MIB1: variants seen among roughly 807,000 people sequenced by gnomAD.
MIB1 encodes E3 ubiquitin-protein ligase MIB1.
MIB1 carries 278 observed loss-of-function variants against 124.5 expected under a neutral mutation model. The observed-to-expected ratio is 2.23, with a 90% CI of 2.02 to 2.47. The LOEUF is 2.47. Among genes scored for constraint, MIB1 ranks in the 30% most tolerant of loss-of-function variants. The pLI is 0.00. For missense variants in MIB1, 957 were observed against 1,254.4 expected (o/e 0.76, Z 3.58); for synonymous variants, 446 against 429.4 (o/e 1.04, Z -0.48).
chr18:21,838,057 T>C (rs2042049663), intron 12 of MIB1, among the ~76,000 whole-genome samples: 2 of 152,170 alleles, frequency 1.3e-5, no homozygotes, highest in South Asian at 4.1e-4. Flanking sequence ...GCACTTCCAT[T>C]CTGTTTTGAT....
At chr18:21,762,977 A>G (rs926849625) in intron 1 of MIB1, among the ~76,000 whole-genome samples, 1 of 152,088 alleles carries the variant, frequency 6.6e-6, no homozygotes, top group Non-Finnish European at 1.5e-5. Context: ...CTAAATCTAT[A>G]TTAAGATGAA....
chr18:21,724,642 T>C (rs1317657658), intron 1 of MIB1, among the ~76,000 whole-genome samples: 1 of 140,774 alleles, frequency 7.1e-6, no homozygotes, highest in Non-Finnish European at 1.5e-5. Flanking sequence ...GGGGCGGAGG[T>C]TGCAGTGAGC....
At chr18:21,822,430 T>A (rs2041887171) in intron 12 of MIB1, among the ~76,000 whole-genome samples, 1 of 152,228 alleles carries the variant, frequency 6.6e-6, no homozygotes, top group African/African-American at 2.4e-5. Flanking sequence ...AAACAGCACC[T>A]CTTCCAACCA....
intron 6 of MIB1, among the ~76,000 whole-genome samples, chr18:21,788,789 T>C (rs527641968): frequency 8.5e-5 from 13 of 152,208 alleles, no homozygotes; most frequent in Non-Finnish European, 1.5e-4. Context: ...AAGATTGATA[T>C]AGGAACATCA....
intron 1 of MIB1, among the ~76,000 whole-genome samples, chr18:21,763,117 A>G (rs945405111): frequency 6.6e-6 from 1 of 151,782 alleles, no homozygotes; most frequent in Non-Finnish European, 1.5e-5. Flanking sequence ...GTTTCTAACA[A>G]TTTAGCCTCA....
chr18:21,857,975 T>G (rs1285846962), intron 19 of MIB1, among the ~76,000 whole-genome samples: 1 of 152,156 alleles, frequency 6.6e-6, no homozygotes, highest in Non-Finnish European at 1.5e-5. Context: ...AGACCAAGAA[T>G]CTAGAGAATA....
In MIB1 at chr18:21,765,753, T is replaced by C; in HGVS notation, c.230-19T>C. On this transcript the variant is annotated intron_variant, in intron 1 of 20. Transcript: ENST00000261537. ...ATAAAATTTGTGATTAATCTGAGCA[T>C]GTGTCCTTGTTTTAATAGGCATCAA... 6.2e-7 allele frequency: 1 copy of C among 1,606,662 alleles called. No homozygotes were observed. The highest frequency in any genetic ancestry group is 1.1e-5 in the South Asian group (1 of 90,332).
At chr18:21,722,507 A>G (rs761104108) in intron 1 of MIB1, among the ~76,000 whole-genome samples, 1 of 151,848 alleles carries the variant, frequency 6.6e-6, no homozygotes, top group Non-Finnish European at 1.5e-5. Context: ...AGTAGCTGAG[A>G]TTACAGGCGC....
intron 4 of MIB1, among the ~76,000 whole-genome samples, chr18:21,775,774 T>C (rs931960108): frequency 5.9e-5 from 9 of 152,224 alleles, no homozygotes; most frequent in Admixed American, 1.3e-4. Context: ...TTTATATAGA[T>C]TGATGGCCGA....
rs567058881 is a variant in MIB1, at chr18:21,760,071, G to A, written c.230-5701G>A. On this transcript the variant is annotated intron_variant, in intron 1 of 20. Transcript: ENST00000261537. ...GTCATCAGGTGGTTCATTTAACGGC[G>A]GCAGATGTCTTCATAAAGCCTAGCA... 1.4e-4 allele frequency among the ~76,000 whole-genome samples: 22 copies of A among 152,152 alleles called. No homozygotes were observed. The East Asian group carries it at 4.1e-3, about 28-fold the overall frequency.
At chr18:21,798,582 T>TGAA (rs1726708605) in intron 8 of MIB1, among the ~76,000 whole-genome samples, 1 of 152,168 alleles carries the variant, frequency 6.6e-6, no homozygotes, top group African/African-American at 2.4e-5. Flanking sequence ...CATCACTTTC[T>TGAA]TAGACTTCTT....
At chr18:21,770,807 TC>T (rs1235574461) in intron 3 of MIB1, among the ~76,000 whole-genome samples, 2 of 152,180 alleles carry the variant, frequency 1.3e-5, no homozygotes, top group Admixed American at 6.6e-5. Context: ...ATACCCAACT[TC>T]AACAATTATT....
chr18:21,772,674 A>G (rs563725425), intron 3 of MIB1, among the ~76,000 whole-genome samples: 12 of 152,294 alleles, frequency 7.9e-5, no homozygotes, highest in Middle Eastern at 6.8e-3. Context: ...TGGCAACCCC[A>G]GTATATATAT....
intron 1 of MIB1, among the ~76,000 whole-genome samples, chr18:21,722,658 C>T (rs771317618): frequency 6.6e-6 from 1 of 152,100 alleles, no homozygotes; most frequent in Non-Finnish European, 1.5e-5. Flanking sequence ...CATGAGCCAC[C>T]ATGCCTGCCT....
At chr18:21,756,077 A>G (rs1256421310) in intron 1 of MIB1, among the ~76,000 whole-genome samples, 4 of 152,202 alleles carry the variant, frequency 2.6e-5, no homozygotes, top group African/African-American at 9.6e-5. Context: ...TGCAGGGGAT[A>G]GTAGAAAATG....
chr18:21,721,159 G>GTTTGGTT (rs2040712847), intron 1 of MIB1, among the ~76,000 whole-genome samples: 1 of 29,758 alleles, frequency 3.4e-5, no homozygotes, highest in African/African-American at 9.6e-5. Context: ...TTTTAAAGAA[G>GTTTGGTT]TTTTTTTTTT....
chr18:21,868,107 T>C lies in MIB1; in HGVS notation c.*3441T>C, dbSNP rs2042333068. The C allele has an allele frequency of 6.6e-6, 1 of 152,044 alleles. No homozygotes were observed. Among genetic ancestry groups the C allele is most frequent in the Non-Finnish European group, 1.5e-5 (1 of 67,922 alleles). The allele number at this position is 152,044 out of a possible 1,614,324, so 9.4% of individuals were successfully genotyped here. On this transcript the variant is annotated 3_prime_UTR_variant, in exon 21 of 21. Transcript: ENST00000261537. ...GTAAAAAATTGAATTTTTGAATAGT[T>C]TTTTGTATTTTTTGTGATGAAAAAC... is the stretch of plus-strand genomic sequence containing the variant.
At chr18:21,835,160 C>T (rs941363344) in intron 12 of MIB1, among the ~76,000 whole-genome samples, 1 of 151,766 alleles carries the variant, frequency 6.6e-6, no homozygotes, top group Non-Finnish European at 1.5e-5. Flanking sequence ...GTCTCATGTT[C>T]TTTTAAAAGT....
chr18:21,842,925 C>G (rs576343957), intron 13 of MIB1, among the ~76,000 whole-genome samples: 3 of 152,126 alleles, frequency 2.0e-5, no homozygotes, highest in African/African-American at 4.8e-5. Context: ...TTAAAACTTG[C>G]TGTTTTACTT....
Sources: gnomAD v4.1 joint callset for allele counts (sites outside exome capture counted in the v4.1 genomes callset) on GRCh38, gnomAD v4.1.1 for gene constraint, MANE v1.5 for transcripts, NCBI Gene and HGNC (gene_info 2026-07-23, HGNC 2026-07-21) for gene names.